DLG2: variants seen among roughly 807,000 people sequenced by gnomAD.
DLG2 encodes disks large homolog 2.
DLG2 carries 45 observed loss-of-function variants against 132.5 expected under a neutral mutation model. The ratio of observed to expected loss-of-function variants is 0.34; its 90% CI spans 0.27 to 0.44. The LOEUF (loss-of-function observed/expected upper bound fraction) is 0.44, where lower values mean the gene tolerates loss of function less well. DLG2 is among the 20% of genes least tolerant of loss of function. The pLI is 1.00. For synonymous variants in DLG2, 424 were observed against 419.6 expected, an observed-to-expected ratio of 1.01 and a Z score of -0.13; for missense variants, 1,045 against 1,196.9, an observed-to-expected ratio of 0.87 and a Z score of 1.87.
At chr11:84,747,322 AC>A (rs1334731436) in intron 6 of DLG2, among the ~76,000 whole-genome samples, 39 of 152,230 alleles carry the variant, frequency 2.6e-4, no homozygotes, top group Non-Finnish European at 1.5e-4. Flanking sequence ...TATTCACACA[AC>A]CTGTATACAT....
At chr11:83,809,343 G>C (rs1053203114) in intron 17 of DLG2, among the ~76,000 whole-genome samples, 1 of 152,162 alleles carries the variant, frequency 6.6e-6, no homozygotes, top group African/African-American at 2.4e-5. Flanking sequence ...TGCTATCTTA[G>C]GCTGTGTTGC....
At chr11:84,440,990 G>A (rs11603982) in intron 7 of DLG2, among the ~76,000 whole-genome samples, 22,194 of 152,026 alleles carry the variant, frequency 0.15, 3,418 homozygotes, top group African/African-American at 0.39. Context: ...TAATTTCAGT[G>A]TTGAATATAG....
intron 19 of DLG2, among the ~76,000 whole-genome samples, chr11:83,563,339 C>T (rs1465330148): frequency 6.6e-6 from 1 of 152,074 alleles, no homozygotes; most frequent in Non-Finnish European, 1.5e-5. Flanking sequence ...CTTTGATCAT[C>T]CCCTTACTGA....
chr11:83,889,084 A>T (rs535477101), intron 15 of DLG2, among the ~76,000 whole-genome samples: 1 of 152,302 alleles, frequency 6.6e-6, no homozygotes, highest in East Asian at 1.9e-4. Flanking sequence ...AGCAATGGCA[A>T]CAACAGCCAA....
At chr11:83,530,859 C>T (rs1034329346) in intron 21 of DLG2, among the ~76,000 whole-genome samples, 6 of 151,850 alleles carry the variant, frequency 4.0e-5, no homozygotes, top group Non-Finnish European at 8.8e-5. Flanking sequence ...AAAACTGTGG[C>T]TTTAGCAAGG....
intron 7 of DLG2, among the ~76,000 whole-genome samples, chr11:84,267,661 A>G (rs1435183583): frequency 1.3e-5 from 2 of 152,196 alleles, no homozygotes; most frequent in South Asian, 2.1e-4. Context: ...GGGACCCAGA[A>G]AGTCACAGTC....
chr11:85,331,127 A>G (rs899490984), intron 3 of DLG2, among the ~76,000 whole-genome samples: 1 of 152,210 alleles, frequency 6.6e-6, no homozygotes, highest in African/African-American at 2.4e-5. Flanking sequence ...ATTTTTTCCA[A>G]GAATATAACT....
chr11:84,035,757 A>G (rs1447587019), intron 11 of DLG2, among the ~76,000 whole-genome samples: 1 of 152,176 alleles, frequency 6.6e-6, no homozygotes, highest in African/African-American at 2.4e-5. Context: ...CAAAGTGGGA[A>G]CAGGGACCAG....
rs2099215103 is a variant in DLG2, at chr11:84,502,266, C to CTT, written c.519+32303_519+32304insAA. Among the ~76,000 whole-genome samples the CTT allele has an allele frequency of 4.0e-5, 2 of 49,410 alleles. 1 individual carries two copies. Among genetic ancestry groups the CTT allele is most frequent in the African/African-American group, 5.4e-4 (2 of 3,696 alleles). 32.4% of individuals were successfully genotyped at this position (49,410 alleles called of 152,430 possible). ...TCCTTCCTTCCTTCCTTCCTTCCTT[C>CTT]CTTCCTTCCTTCCTTCTTTCTTTCT... On this transcript the variant is annotated intron_variant, in intron 7 of 27. Coordinates refer to ENST00000376104, the MANE Select transcript of DLG2 (RefSeq NM_001142699.3).
chr11:83,716,346 T>C (rs2086699183), intron 18 of DLG2, among the ~76,000 whole-genome samples: 1 of 152,226 alleles, frequency 6.6e-6, no homozygotes, highest in South Asian at 2.1e-4. Flanking sequence ...CTGGGGTTCT[T>C]GGCCAGTTGT....
intron 7 of DLG2, among the ~76,000 whole-genome samples, chr11:84,368,796 ATTGTG>A (rs2098694445): frequency 1.3e-5 from 2 of 152,160 alleles, no homozygotes; most frequent in African/African-American, 4.8e-5. Context: ...CTCAATAAAT[ATTGTG>A]TTAATTTTTA....
At chr11:84,668,837 T>G (rs774299158) in intron 6 of DLG2, among the ~76,000 whole-genome samples, 5 of 152,182 alleles carry the variant, frequency 3.3e-5, no homozygotes, top group Non-Finnish European at 4.4e-5. Flanking sequence ...GTCATTTTCA[T>G]GCGAAGAAGA....
intron 8 of DLG2, among the ~76,000 whole-genome samples, chr11:84,230,301 C>T (rs2097073168): frequency 6.6e-6 from 1 of 152,166 alleles, no homozygotes; most frequent in Admixed American, 6.5e-5. Flanking sequence ...TATTCTCTCT[C>T]ACAACTATAA....
At chr11:83,664,873 G>A (rs1327827948) in intron 18 of DLG2, among the ~76,000 whole-genome samples, 1 of 152,146 alleles carries the variant, frequency 6.6e-6, no homozygotes, top group Non-Finnish European at 1.5e-5. Context: ...ATTTAACTGA[G>A]TCCTGGAAGA....
intron 3 of DLG2, among the ~76,000 whole-genome samples, chr11:85,517,748 T>C (rs1028140879): frequency 6.6e-6 from 1 of 152,112 alleles, no homozygotes; most frequent in Non-Finnish European, 1.5e-5. Context: ...TACAGGCACA[T>C]GCCACCATAC....
At chr11:85,038,920 G>A (rs147170646) in intron 6 of DLG2, among the ~76,000 whole-genome samples, 1 of 151,720 alleles carries the variant, frequency 6.6e-6, no homozygotes, top group Non-Finnish European at 1.5e-5. Flanking sequence ...TTTTTTCTCA[G>A]TATACCTGGA....
intron 6 of DLG2, among the ~76,000 whole-genome samples, chr11:84,959,094 T>C (rs529981067): frequency 1.2e-4 from 18 of 152,316 alleles, no homozygotes; most frequent in African/African-American, 4.1e-4. Flanking sequence ...CAAAATTATA[T>C]ATAGCCTGAC....
chr11:84,097,467 C>A (rs772167884), intron 10 of DLG2, among the ~76,000 whole-genome samples: 2 of 152,198 alleles, frequency 1.3e-5, no homozygotes, highest in Non-Finnish European at 2.9e-5. Context: ...TGCCACCCCC[C>A]ACTCCACAGC....
intron 6 of DLG2, among the ~76,000 whole-genome samples, chr11:84,624,630 T>C (rs1198090147): frequency 2.0e-5 from 3 of 151,660 alleles, no homozygotes; most frequent in Non-Finnish European, 4.4e-5. Flanking sequence ...CATTCCCATT[T>C]AATAGAGACA....
Sources: allele counts gnomAD v4.1 joint callset (sites outside exome capture counted in the v4.1 genomes callset), GRCh38; gene constraint gnomAD v4.1.1; transcripts MANE v1.5; gene names NCBI Gene and HGNC (gene_info 2026-07-23, HGNC 2026-07-21).